GPC6: variants seen among roughly 807,000 people sequenced by gnomAD.
GPC6 encodes the protein glypican 6, also known as glypican-6.
In GPC6, 14 loss-of-function variants were observed where a neutral mutation model predicts 55.2. The ratio of observed to expected loss-of-function variants is 0.25; its 90% CI spans 0.17 to 0.40. The LOEUF is 0.40. Among genes scored for constraint, GPC6 ranks in the 10% least tolerant of loss-of-function variants. The pLI, the probability that GPC6 is intolerant of heterozygous loss-of-function variation, is 1.00. For synonymous variants in GPC6, 278 were observed against 259.6 expected (o/e 1.07, Z -0.68); for missense variants, 641 against 708.5 (o/e 0.90, Z 1.08).
intron 2 of GPC6, among the ~76,000 whole-genome samples, chr13:93,783,151 T>C (rs914293305): frequency 3.9e-5 from 6 of 152,182 alleles, no homozygotes; most frequent in African/African-American, 1.2e-4. Context: ...GACATGATCT[T>C]GTTCCTTTTT....
At chr13:94,002,258 A>G (rs1881839622) in intron 3 of GPC6, among the ~76,000 whole-genome samples, 1 of 152,078 alleles carries the variant, frequency 6.6e-6, no homozygotes. Flanking sequence ...TTAGTCAAGC[A>G]GAAGGGACCA....
intron 1 of GPC6, among the ~76,000 whole-genome samples, chr13:93,431,419 T>G (rs546107988): frequency 6.6e-6 from 1 of 152,214 alleles, no homozygotes; most frequent in Non-Finnish European, 1.5e-5. Context: ...ACTTAAATAA[T>G]TAAGTTGATA....
In GPC6 at chr13:93,958,064, T is replaced by A. The variant is rs183586027; in HGVS notation, c.712-69665T>A. Among the ~76,000 whole-genome samples the A allele has an allele frequency of 2.0e-3, 310 of 152,324 alleles. 2 individuals carry two copies. The Middle Eastern group carries it at 0.034, about 17-fold the overall frequency. On this transcript the variant is annotated intron_variant, in intron 3 of 8. Transcript: ENST00000377047. ...TTGCCTAATTTTTAATAGGGTTATT[T>A]GATTTTTTCGTGTTAATTTGTTTAA...
intron 4 of GPC6, among the ~76,000 whole-genome samples, chr13:94,282,009 G>A (rs2139078964): frequency 6.6e-6 from 1 of 152,248 alleles, no homozygotes; most frequent in African/African-American, 2.4e-5. Context: ...TTTAGGTCCT[G>A]TCAAACAAAA....
intron 4 of GPC6, among the ~76,000 whole-genome samples, chr13:94,136,999 T>C (rs760105626): frequency 2.0e-5 from 3 of 152,256 alleles, no homozygotes; most frequent in Non-Finnish European, 4.4e-5. Flanking sequence ...CAATGACTGA[T>C]TGGATTTGCG....
At chr13:93,338,605 G>A (rs930694704) in intron 1 of GPC6, among the ~76,000 whole-genome samples, 19 of 152,146 alleles carry the variant, frequency 1.2e-4, no homozygotes, top group African/African-American at 4.3e-4. Context: ...GAAGAAAAAT[G>A]TGGTACTTTA....
At chr13:93,764,672 C>T (rs1293599760) in intron 2 of GPC6, among the ~76,000 whole-genome samples, 1 of 151,848 alleles carries the variant, frequency 6.6e-6, no homozygotes, top group Non-Finnish European at 1.5e-5. Context: ...TTAACAAAAC[C>T]ATTGTGTGAG....
intron 7 of GPC6, among the ~76,000 whole-genome samples, chr13:94,395,745 CTTTCAAGCAACAACA>C (rs772252144): frequency 5.9e-5 from 9 of 152,106 alleles, no homozygotes; most frequent in Non-Finnish European, 1.3e-4. Flanking sequence ...GTTTTTTGAG[CTTTCAAGCAACAACA>C]GTAGAGCAAG....
intron 1 of GPC6, among the ~76,000 whole-genome samples, chr13:93,256,271 A>C (rs1029107938): frequency 2.0e-4 from 31 of 152,138 alleles, no homozygotes; most frequent in African/African-American, 7.5e-4. Context: ...CATTTGGAAA[A>C]AAATAAGACA....
At chr13:94,069,925 C>T (rs1324078419) in intron 4 of GPC6, among the ~76,000 whole-genome samples, 1 of 152,196 alleles carries the variant, frequency 6.6e-6, no homozygotes, top group Non-Finnish European at 1.5e-5. Context: ...CTGTTCCAAC[C>T]TCTTCCTGTT....
At chr13:93,510,676 T>G (rs1458211190) in intron 1 of GPC6, among the ~76,000 whole-genome samples, 1 of 151,910 alleles carries the variant, frequency 6.6e-6, no homozygotes, top group Non-Finnish European at 1.5e-5. Context: ...ATATACCCAG[T>G]AGTGGGATTC....
chr13:93,716,462 G>C (rs1418302336), intron 2 of GPC6, among the ~76,000 whole-genome samples: 1 of 151,290 alleles, frequency 6.6e-6, no homozygotes, highest in Non-Finnish European at 1.5e-5. Context: ...AGGGTAATCT[G>C]TGTGTTTGTG....
At chr13:94,093,735 A>G (rs996416020) in intron 4 of GPC6, among the ~76,000 whole-genome samples, 1 of 152,112 alleles carries the variant, frequency 6.6e-6, no homozygotes, top group South Asian at 2.1e-4. Context: ...AAGTGATTCT[A>G]AAGAATGAAC....
intron 2 of GPC6, among the ~76,000 whole-genome samples, chr13:93,816,082 G>C (rs774890362): frequency 1.3e-5 from 2 of 152,090 alleles, no homozygotes; most frequent in Non-Finnish European, 2.9e-5. Flanking sequence ...GCTCTGTAGA[G>C]AAAATGAGCA....
intron 1 of GPC6, among the ~76,000 whole-genome samples, chr13:93,421,104 G>C (rs1378423712): frequency 1.3e-5 from 2 of 152,108 alleles, no homozygotes; most frequent in African/African-American, 2.4e-5. Flanking sequence ...GTGGGCGGGG[G>C]AAGTATCTGG....
intron 2 of GPC6, among the ~76,000 whole-genome samples, chr13:93,754,129 A>G (rs1401340356): frequency 6.6e-6 from 1 of 152,200 alleles, no homozygotes; most frequent in Non-Finnish European, 1.5e-5. Context: ...AAACCATATT[A>G]TAAGGTATTT....
In GPC6 at chr13:93,495,757, C is replaced by T. The variant is rs988064233; in HGVS notation, c.161-49506C>T. ...TCCTTCTAACAGACAGGACCCTCAGCTGCAGGTCTGTTGGAATACCCTGCC... is the reference window on the plus strand; with the variant it reads ...TCCTTCTAACAGACAGGACCCTCAGTTGCAGGTCTGTTGGAATACCCTGCC... On this transcript the variant is annotated intron_variant, in intron 1 of 8. Transcript: ENST00000377047. Among the ~76,000 whole-genome samples, 5 of 139,334 alleles carry T rather than the reference C, an allele frequency of 3.6e-5. 1 individual carries two copies. The highest frequency in any genetic ancestry group is 1.3e-4 in the African/African-American group (5 of 37,486). The allele number at this position is 139,334 out of a possible 152,430, so 91.4% of individuals were successfully genotyped here.
At position 93,830,509 on chromosome 13, in the gene GPC6, G is replaced by A. The variant is rs934940471; in HGVS notation, c.675G>A (p.Leu225=). ...FIAARTFVQG[L]TVGREVANRV... is the part of the protein sequence containing the mutation. ...CTGCCAGGACCTTTGTCCAGGGGCT[G>A]ACTGTGGGCAGAGAAGTTGCAAACC... Residue 225 remains leucine, a synonymous_variant, in exon 3 of 9, where the codon CTG becomes CTA. Coordinates refer to ENST00000377047, the MANE Select transcript of GPC6 (RefSeq NM_005708.5). 3 of 1,612,490 alleles carry A rather than the reference G, an allele frequency of 1.9e-6. No homozygotes were observed. Among genetic ancestry groups the A allele is most frequent in the Admixed American group, 3.3e-5 (2 of 59,774 alleles).
chr13:93,250,424 G>A (rs573364525), intron 1 of GPC6, among the ~76,000 whole-genome samples: 262 of 152,298 alleles, frequency 1.7e-3, no homozygotes, highest in Middle Eastern at 3.4e-3. Context: ...GGGAAGGACC[G>A]GGTAACTAGT....
Sources: gnomAD v4.1 joint callset for allele counts (sites outside exome capture counted in the v4.1 genomes callset) on GRCh38, gnomAD v4.1.1 for gene constraint, MANE v1.5 for transcripts, NCBI Gene and HGNC (gene_info 2026-07-23, HGNC 2026-07-21) for gene names.